SLCO3A1: variants seen among roughly 807,000 people sequenced by gnomAD.
SLCO3A1 encodes the protein PGE1 transporter.
SLCO3A1 carries 27 observed loss-of-function variants against 63.1 expected under a neutral mutation model. That is an observed-to-expected ratio of 0.43 (90% CI 0.32 to 0.59). The LOEUF (loss-of-function observed/expected upper bound fraction) is 0.59, where lower values mean the gene tolerates loss of function less well. Ranked by LOEUF, SLCO3A1 falls within the 20% of genes least tolerant of loss-of-function variation. SLCO3A1 has a pLI of 0.09. For missense variants in SLCO3A1, 773 were observed against 945.8 expected (o/e 0.82, Z 2.40); for synonymous variants, 473 against 409.9 (o/e 1.15, Z -1.86).
chr15:92,028,908 A>AGTGT lies in SLCO3A1; in HGVS notation c.647-65940_647-65937dup, dbSNP rs61238614. Among the ~76,000 whole-genome samples, 194 of 120,136 alleles carry AGTGT rather than the reference A, an allele frequency of 1.6e-3. 5 individuals are homozygous for AGTGT. Among genetic ancestry groups the AGTGT allele is most frequent in the East Asian group, 4.5e-3 (16 of 3,522 alleles). 78.8% of individuals were successfully genotyped at this position (120,136 alleles called of 152,430 possible). ...CGTTCTTGTTTCAGCTGCAGGCACAAGTGTGTGTGTGTGTGTGTGTGTGTG... is the reference window on the plus strand; with the variant it reads ...CGTTCTTGTTTCAGCTGCAGGCACAAGTGTGTGTGTGTGTGTGTGTGTGTGTGTG... On this transcript the variant is annotated intron_variant, in intron 2 of 9. Transcript: ENST00000318445.
chr15:91,962,277 C>T (rs1900476318), intron 2 of SLCO3A1, among the ~76,000 whole-genome samples: 1 of 151,980 alleles, frequency 6.6e-6, no homozygotes, highest in African/African-American at 2.4e-5. Context: ...GTCGGGAGTT[C>T]GAGACCAACC....
chr15:92,141,576 G>C (rs2048132446), intron 7 of SLCO3A1, among the ~76,000 whole-genome samples: 1 of 152,180 alleles, frequency 6.6e-6, no homozygotes, highest in Non-Finnish European at 1.5e-5. Context: ...CAGATCTAGG[G>C]CTTCCCATGT....
chr15:91,854,299 C>T lies in SLCO3A1; in HGVS notation c.180+211C>T, dbSNP rs926928180. 1.1e-5 allele frequency: 13 copies of T among 1,157,268 alleles called. No individual in the cohort carries two copies. The African/African-American group carries it at 2.1e-4, about 19-fold the overall frequency. The allele number at this position is 1,157,268 out of a possible 1,614,324, so 71.7% of individuals were successfully genotyped here. ...CGGGTAGCGGGCGGGACCGTTGATG[C>T]CGGTAGCAGCTCGCGCGCGTCCGGC... On this transcript the variant is annotated intron_variant, in intron 1 of 9. Coordinates refer to ENST00000318445, the MANE Select transcript of SLCO3A1 (RefSeq NM_013272.4). This position sits in a 1 kb window ranked among gnomAD's most constrained non-coding sequence, Gnocchi z 6.4.
At chr15:92,021,531 A>G (rs2046509107) in intron 2 of SLCO3A1, among the ~76,000 whole-genome samples, 1 of 152,226 alleles carries the variant, frequency 6.6e-6, no homozygotes, top group Admixed American at 6.5e-5. Flanking sequence ...AACCACTCCT[A>G]CAAGGCAAGA....
At chr15:91,970,877 GTGTGTGTGTT>G (rs1900833535) in intron 2 of SLCO3A1, among the ~76,000 whole-genome samples, 1 of 152,088 alleles carries the variant, frequency 6.6e-6, no homozygotes, top group African/African-American at 2.4e-5. Flanking sequence ...CAGATGAAGG[GTGTGTGTGTT>G]TGTGTGTGTG....
chr15:92,120,751 A>G, intron 5 of SLCO3A1, 122 bp downstream of exon 5: 1 of 769,906 alleles, frequency 1.3e-6, no homozygotes, highest in Non-Finnish European at 2.2e-6. Context: ...GCAACAAGAT[A>G]TATGTGGCCT....
intron 1 of SLCO3A1, among the ~76,000 whole-genome samples, chr15:91,909,688 C>T (rs181329738): frequency 2.0e-5 from 3 of 152,298 alleles, no homozygotes; most frequent in East Asian, 3.9e-4. Context: ...ACTGCACTCC[C>T]GGGCTCCTCC....
rs77832912 is a variant in SLCO3A1, at chr15:91,964,372, G to A, written c.646+47914G>A. On this transcript the variant is annotated intron_variant, in intron 2 of 9. Coordinates refer to ENST00000318445, the MANE Select transcript of SLCO3A1 (RefSeq NM_013272.4). Reference sequence around the variant, plus strand: ...TACTTTCTACCCTTTTTAGGGCATGGTAAATGTATTTGTTCGACTGACAGC... The same window carrying A: ...TACTTTCTACCCTTTTTAGGGCATGATAAATGTATTTGTTCGACTGACAGC... Among the ~76,000 whole-genome samples, 1,175 of 151,844 alleles carry A rather than the reference G, an allele frequency of 7.7e-3. 22 individuals are homozygous for A. The highest frequency in any genetic ancestry group is 0.027 in the African/African-American group (1,110 of 41,386).
At chr15:92,144,888 T>C (rs557735984) in intron 7 of SLCO3A1, among the ~76,000 whole-genome samples, 37 of 152,134 alleles carry the variant, frequency 2.4e-4, no homozygotes, top group African/African-American at 8.4e-4. Flanking sequence ...ATGATTAAAT[T>C]TGGGAGAGAT....
intron 3 of SLCO3A1, among the ~76,000 whole-genome samples, chr15:92,101,051 A>G (rs1005851012): frequency 9.2e-5 from 14 of 152,148 alleles, no homozygotes; most frequent in African/African-American, 1.9e-4. Context: ...AGAGGATCCA[A>G]TGCAGACACT....
intron 2 of SLCO3A1, among the ~76,000 whole-genome samples, chr15:92,002,248 G>C (rs566506662): frequency 6.6e-6 from 1 of 152,252 alleles, no homozygotes; most frequent in East Asian, 1.9e-4. Context: ...GGTGTTAATT[G>C]TCCCTGATAA....
At chr15:92,072,202 G>GTT (rs1192107638) in intron 2 of SLCO3A1, among the ~76,000 whole-genome samples, 2 of 148,904 alleles carry the variant, frequency 1.3e-5, no homozygotes, top group African/African-American at 2.5e-5. Flanking sequence ...CTTTTTTTTG[G>GTT]TTTTTTTTTT....
At chr15:91,978,396 T>C (rs1048622914) in intron 2 of SLCO3A1, among the ~76,000 whole-genome samples, 1 of 152,228 alleles carries the variant, frequency 6.6e-6, no homozygotes, top group Admixed American at 6.5e-5. Flanking sequence ...AGGAAAAAGC[T>C]TTCTGTGAAC....
At chr15:92,009,011 GA>G (rs2046341594) in intron 2 of SLCO3A1, among the ~76,000 whole-genome samples, 1 of 152,120 alleles carries the variant, frequency 6.6e-6, no homozygotes, top group African/African-American at 2.4e-5. Flanking sequence ...TAGAGAGAAT[GA>G]AAAATATATT....
intron 2 of SLCO3A1, among the ~76,000 whole-genome samples, chr15:91,956,384 T>A (rs1233181227): frequency 6.6e-6 from 1 of 152,188 alleles, no homozygotes; most frequent in African/African-American, 2.4e-5. Flanking sequence ...CAGCCTCAGT[T>A]GGCCCGCTCT....
At position 91,916,048 on chromosome 15, in the gene SLCO3A1, G is replaced by T. The variant is rs1195123410; in HGVS notation, c.236G>T (p.Gly79Val). 1 of 1,613,430 alleles carries T rather than the reference G, an allele frequency of 6.2e-7. No individual in the cohort carries two copies. Among genetic ancestry groups the T allele is most frequent in the East Asian group, 2.2e-5 (1 of 44,864 alleles). The change falls in exon 2 of 10, where the codon GGT becomes GTT. Residue 79 changes from glycine to valine, a missense_variant. Gly to Val is a moderately radical substitution (Grantham distance 109, BLOSUM62 -3). Transcript: ENST00000318445. The surrounding 1 kb of genome is among the most constrained non-coding windows in gnomAD (Gnocchi z 6.2). ...TTCAACCTGCAGAGCGCTGACGTGG[G>T]TGTGATCGCTAGCAGCTTCGAGATC... is the stretch of plus-strand genomic sequence containing the variant. Reference protein sequence around the residue: ...RRFNLQSADVGVIASSFEIGN... With the variant: ...RRFNLQSADVVVIASSFEIGN...
At chr15:92,130,826 ATG>A (rs926894580) in intron 7 of SLCO3A1, among the ~76,000 whole-genome samples, 41 of 134,322 alleles carry the variant, frequency 3.1e-4, no homozygotes, top group African/African-American at 1.0e-3. Context: ...TATTCCTGGT[ATG>A]TGTACTCCCT....
chr15:91,898,760 C>G (rs887965017), intron 1 of SLCO3A1, among the ~76,000 whole-genome samples: 1 of 151,884 alleles, frequency 6.6e-6, no homozygotes, highest in African/African-American at 2.4e-5. Context: ...ATGTATAAAG[C>G]AAAATATACA....
intron 4 of SLCO3A1, among the ~76,000 whole-genome samples, chr15:92,115,904 T>C (rs1250312704): frequency 6.6e-6 from 1 of 151,880 alleles, no homozygotes; most frequent in Non-Finnish European, 1.5e-5. Flanking sequence ...AATTTTTTAT[T>C]ATTATTATTG....
Sources: gnomAD v4.1 joint callset for allele counts (sites outside exome capture counted in the v4.1 genomes callset) on GRCh38, gnomAD v4.1.1 for gene constraint, Gnocchi (gnomAD v3.1) non-coding constraint, MANE v1.5 for transcripts, NCBI Gene and HGNC (gene_info 2026-07-23, HGNC 2026-07-21) for gene names.